Variants in BAZ2B observed in about 807,000 individuals in gnomAD.
BAZ2B encodes the protein bromodomain adjacent to zinc finger domain 2B.
Under a neutral mutation model 246.0 loss-of-function variants are expected in BAZ2B, and 91 were observed. The ratio of observed to expected loss-of-function variants is 0.37; its 90% CI spans 0.31 to 0.44. The LOEUF is 0.44. Ranked by LOEUF, BAZ2B falls within the 20% of genes least tolerant of loss-of-function variation. BAZ2B has a pLI of 1.00. For synonymous variants in BAZ2B, 855 were observed against 860.0 expected (o/e 0.99, Z 0.10); for missense variants, 2,332 against 2,533.7 (o/e 0.92, Z 1.71).
At chr2:159,507,175 T>A (rs2082419912) in intron 2 of BAZ2B, among the ~76,000 whole-genome samples, 1 of 152,146 alleles carries the variant, frequency 6.6e-6, no homozygotes, top group African/African-American at 2.4e-5. Context: ...AGAGATTAGG[T>A]GGCTGCAAAG....
In BAZ2B at chr2:159,429,259, G is replaced by A. The variant is rs373772320; in HGVS notation, c.2196C>T (p.Gly732=). ...SSTLTSSPHS[G]TSKRRRVTDE... is the part of the protein sequence containing the mutation. ...CTGTTACTCTTCTTCTTTTGGAAGT[G>A]CCTTTAAAAAAATTCAATTGGTTAA... is the stretch of plus-strand genomic sequence containing the variant. Residue 732 remains glycine, a splice_region_variant and synonymous_variant, in exon 11 of 37, where the codon GGC becomes GGT. Coordinates refer to ENST00000392783, the MANE Select transcript of BAZ2B (RefSeq NM_013450.4). 32 of 1,537,852 alleles carry A rather than the reference G, an allele frequency of 2.1e-5. No individual in the cohort carries two copies. In the African/African-American group the frequency reaches 3.1e-4, roughly 15 times the overall value.
At chr2:159,447,506 T>A (rs2074426595) in intron 5 of BAZ2B, among the ~76,000 whole-genome samples, 1 of 152,248 alleles carries the variant, frequency 6.6e-6, no homozygotes, top group African/African-American at 2.4e-5. Context: ...AATTATATTC[T>A]AACAAGTTAT....
chr2:159,490,623 C>T (rs79270512), intron 2 of BAZ2B, among the ~76,000 whole-genome samples: 3,267 of 152,268 alleles, frequency 0.021, 98 homozygotes, highest in African/African-American at 0.065. Flanking sequence ...CCTGCTCAAG[C>T]AGTCCTCCCA....
chr2:159,653,983 C>T, the BAZ2B span, among the ~76,000 whole-genome samples: 1 of 152,084 alleles, frequency 6.6e-6, no homozygotes, highest in Non-Finnish European at 1.5e-5. Context: ...ATTAAGTAGA[C>T]TTGGAAGTTA....
At chr2:159,537,069 C>T (rs1448458790) in intron 2 of BAZ2B, among the ~76,000 whole-genome samples, 1 of 152,162 alleles carries the variant, frequency 6.6e-6, no homozygotes, top group African/African-American at 2.4e-5. Flanking sequence ...GAGTATCATT[C>T]AGCCTTAAAA....
At chr2:159,360,688 T>G (rs2059593408) in intron 27 of BAZ2B, among the ~76,000 whole-genome samples, 1 of 152,172 alleles carries the variant, frequency 6.6e-6, no homozygotes, top group South Asian at 2.1e-4. Context: ...TCACACTACC[T>G]GACTTCAAAC....
At chr2:159,441,411 T>C (rs2073360677) in intron 6 of BAZ2B, among the ~76,000 whole-genome samples, 1 of 152,190 alleles carries the variant, frequency 6.6e-6, no homozygotes, top group African/African-American at 2.4e-5. Context: ...AGGGAGTCTC[T>C]GCCGAGCATA....
At position 159,325,887 on chromosome 2, in the gene BAZ2B, A is replaced by C. The variant is rs762919636; in HGVS notation, c.5975T>G (p.Leu1992Arg). Residue 1992 changes from leucine (L) to arginine (R), a missense_variant, in exon 35 of 37, where the codon CTT becomes CGT. This residue lies in a region of BAZ2B where 210 missense variants were observed against 232.5 expected (regional missense o/e 0.90). Coordinates refer to ENST00000392783, the MANE Select transcript of BAZ2B (RefSeq NM_013450.4). ...ATTAGTCTTTTTTCCTTTGACATGA[A>C]GTTTTTTGATTTTTAGAGTTTGACC... ...ASGQTLKIKK[L>R]HVKGKKTNES... 32 of 1,588,828 alleles carry C rather than the reference A, an allele frequency of 2.0e-5. 1 individual carries two copies. In the Middle Eastern group the frequency reaches 5.0e-4, roughly 25 times the overall value.
At chr2:159,488,073 T>C (rs1577672704) in intron 2 of BAZ2B, among the ~76,000 whole-genome samples, 1 of 152,124 alleles carries the variant, frequency 6.6e-6, no homozygotes, top group East Asian at 1.9e-4. Context: ...GGATTTTTTA[T>C]TTTTATTTTT....
chr2:159,586,700 C>T (rs559784999), intron 1 of BAZ2B, among the ~76,000 whole-genome samples: 29 of 151,948 alleles, frequency 1.9e-4, no homozygotes, highest in Admixed American at 6.6e-5. Flanking sequence ...GAGATCCTGT[C>T]CCTACTTAAA....
chr2:159,352,224 C>T (rs540386335), intron 27 of BAZ2B, among the ~76,000 whole-genome samples: 2 of 152,250 alleles, frequency 1.3e-5, no homozygotes, highest in African/African-American at 4.8e-5. Flanking sequence ...TCTTGTTCTT[C>T]CCTCTGCATG....
intron 27 of BAZ2B, among the ~76,000 whole-genome samples, chr2:159,372,030 A>G (rs1162577713): frequency 1.3e-5 from 2 of 152,220 alleles, no homozygotes; most frequent in East Asian, 3.9e-4. Flanking sequence ...TAACATTTTC[A>G]TTTAAAAAAA....
intron 34 of BAZ2B, among the ~76,000 whole-genome samples, chr2:159,330,119 A>G (rs2064470893): frequency 1.3e-5 from 2 of 152,242 alleles, no homozygotes; most frequent in Non-Finnish European, 2.9e-5. Context: ...GATGCCATGT[A>G]AGACCACTTG....
intron 2 of BAZ2B, among the ~76,000 whole-genome samples, chr2:159,519,236 TTTTTG>T (rs2083816100): frequency 1.4e-5 from 1 of 70,608 alleles, no homozygotes; most frequent in African/African-American, 6.1e-5. Flanking sequence ...TTTTTTTTTT[TTTTTG>T]AGACGGAGTC....
chr2:159,453,755 T>A lies in BAZ2B; in HGVS notation c.192A>T (p.Thr64=). 1.2e-6 allele frequency: 2 copies of A among 1,613,000 alleles called. No homozygotes were observed. The highest frequency in any genetic ancestry group is 1.7e-6 in the Non-Finnish European group (2 of 1,179,496). The stretch of plus-strand genomic sequence containing the variant: ...TGACCATTGGGAAGGCACTCGACAC[T>A]GTGGACAGGTTAAACGGTTGATCCC... The part of the protein sequence containing the change: ...TAGDQPFNLS[T]VSSAFPMVSH... The change falls in exon 4 of 37, where the codon ACA becomes ACT. Residue 64 remains threonine, a synonymous_variant. Transcript: ENST00000392783.
intron 13 of BAZ2B, among the ~76,000 whole-genome samples, chr2:159,417,179 T>G (rs1386690952): frequency 6.6e-6 from 1 of 151,064 alleles, no homozygotes; most frequent in Non-Finnish European, 1.5e-5. Flanking sequence ...TTTTTTGTTT[T>G]TTTTTTTTTG....
intron 13 of BAZ2B, among the ~76,000 whole-genome samples, chr2:159,423,051 C>T (rs1436021819): frequency 6.6e-6 from 1 of 152,068 alleles, no homozygotes; most frequent in Non-Finnish European, 1.5e-5. Flanking sequence ...TGTGGTGGCT[C>T]ACACCTGTAA....
chr2:159,339,817 C>T (rs1252255178), intron 31 of BAZ2B, among the ~76,000 whole-genome samples: 1 of 151,972 alleles, frequency 6.6e-6, no homozygotes, highest in African/African-American at 2.4e-5. Flanking sequence ...AAGCCAGATA[C>T]AGAAAGACAA....
chr2:159,568,363 T>C (rs942900048), intron 1 of BAZ2B, among the ~76,000 whole-genome samples: 3 of 152,138 alleles, frequency 2.0e-5, no homozygotes, highest in African/African-American at 7.2e-5. Flanking sequence ...AATCAATAGA[T>C]TATAGCTTGA....
Sources: gnomAD v4.1 joint callset for allele counts (sites outside exome capture counted in the v4.1 genomes callset) on GRCh38, gnomAD v4.1.1 for gene constraint, gnomAD v4.1.1 regional missense constraint, MANE v1.5 for transcripts, NCBI Gene and HGNC (gene_info 2026-07-23, HGNC 2026-07-21) for gene names.